SCN10A: variants seen among roughly 807,000 people sequenced by gnomAD.
SCN10A encodes the protein sodium voltage-gated channel alpha subunit 10.
Under a neutral mutation model 170.7 loss-of-function variants are expected in SCN10A, and 162 were observed. The ratio of observed to expected loss-of-function variants is 0.95; its 90% CI spans 0.84 to 1.08. SCN10A has a LOEUF of 1.08. Among genes scored for constraint, SCN10A ranks in the 50% least tolerant of loss-of-function variants. The pLI, the probability that SCN10A is intolerant of heterozygous loss-of-function variation, is 0.00. For missense variants in SCN10A, 2,527 were observed against 2,436.9 expected (o/e 1.04, Z -0.78); for synonymous variants, 985 against 904.6 (o/e 1.09, Z -1.59).
chr3:38,705,945 T>C (rs1185192845), intron 26 of SCN10A, among the ~76,000 whole-genome samples: 1 of 152,146 alleles, frequency 6.6e-6, no homozygotes, highest in Non-Finnish European at 1.5e-5. Context: ...AGCCTGCTCC[T>C]CTCCACTGAA....
At chr3:38,761,078 AG>A (rs2063864380) in intron 7 of SCN10A, 113 bp downstream of exon 7, 1 of 842,810 alleles carries the variant, frequency 1.2e-6, no homozygotes, top group East Asian at 2.5e-5. Context: ...TTGGCAGGAA[AG>A]GGGAGTCAAA....
intron 1 of SCN10A, among the ~76,000 whole-genome samples, chr3:38,808,846 G>T (rs1307281752): frequency 6.6e-6 from 1 of 152,206 alleles, no homozygotes; most frequent in Admixed American, 6.5e-5. Context: ...TATTAAGAAG[G>T]AGTCATTGGA....
chr3:38,765,277 G>A (rs1017638259), intron 5 of SCN10A, among the ~76,000 whole-genome samples: 3 of 151,998 alleles, frequency 2.0e-5, no homozygotes, highest in South Asian at 2.1e-4. Context: ...GGTCAGGAAC[G>A]TTTTGCCTAA....
At chr3:38,720,701 T>G (rs1490487236) in intron 20 of SCN10A, among the ~76,000 whole-genome samples, 2 of 146,982 alleles carry the variant, frequency 1.4e-5, no homozygotes, top group African/African-American at 2.5e-5. Flanking sequence ...ATGTGGGGGG[T>G]GGACCGGGGT....
At chr3:38,794,174 C>T in intron 1 of SCN10A, 132 bp from the exon 2 acceptor site, 1 of 643,330 alleles carries the variant, frequency 1.6e-6, no homozygotes, top group Non-Finnish European at 2.7e-6. Flanking sequence ...TGAACTCACA[C>T]TTGGCTCCTC....
intron 13 of SCN10A, among the ~76,000 whole-genome samples, chr3:38,744,787 G>A (rs1335588320): frequency 6.6e-6 from 1 of 152,024 alleles, no homozygotes; most frequent in African/African-American, 2.4e-5. Context: ...ATTTTCCCAA[G>A]ATTTGAAATG....
intron 13 of SCN10A, among the ~76,000 whole-genome samples, chr3:38,744,999 C>T (rs930948875): frequency 6.6e-6 from 1 of 152,134 alleles, no homozygotes. Flanking sequence ...ATCAACAATC[C>T]CTGTTTGGAA....
intron 15 of SCN10A, among the ~76,000 whole-genome samples, chr3:38,736,360 T>A (rs13087440): frequency 0.028 from 3,750 of 133,184 alleles, 59 homozygotes; most frequent in Non-Finnish European, 0.034. Flanking sequence ...ATAGGGAAAC[T>A]CTGTGTGTGT....
intron 10 of SCN10A, among the ~76,000 whole-genome samples, 173 bp from the exon 11 acceptor site, chr3:38,756,131 C>A (rs2063802010): frequency 6.6e-6 from 1 of 152,092 alleles, no homozygotes. Flanking sequence ...CTCGGGTCAC[C>A]CCCACTCATT....
intron 15 of SCN10A, among the ~76,000 whole-genome samples, chr3:38,736,165 A>AAG: frequency 6.6e-6 from 1 of 152,212 alleles, no homozygotes; most frequent in Non-Finnish European, 1.5e-5. Context: ...GTTATGTGTG[A>AAG]AGAAGAGAGA....
rs937080044 is a variant in SCN10A at position 38,778,321 on chromosome 3, G to A, written c.471-6914C>T. On this transcript the variant is annotated intron_variant, in intron 4 of 27. Coordinates refer to ENST00000449082, the MANE Select transcript of SCN10A (RefSeq NM_006514.4). The stretch of plus-strand genomic sequence containing the variant: ...AGGGTCATCAAAGAGCCCCTTCAAT[G>A]ATTCTCTGAAACCAGGGCATGGGGA... Among the ~76,000 whole-genome samples, 5 of 152,018 alleles carry A rather than the reference G, an allele frequency of 3.3e-5. No homozygotes were observed. The Middle Eastern group carries it at 0.01, about 310-fold the overall frequency.
At chr3:38,740,801 C>T (rs1390682918) in intron 14 of SCN10A, among the ~76,000 whole-genome samples, 1 of 152,170 alleles carries the variant, frequency 6.6e-6, no homozygotes, top group African/African-American at 2.4e-5. Flanking sequence ...AAAAAAGTGG[C>T]ACTTTCCTCT....
chr3:38,769,529 C>G (rs1295276330), intron 5 of SCN10A, among the ~76,000 whole-genome samples: 1 of 152,182 alleles, frequency 6.6e-6, no homozygotes, highest in Non-Finnish European at 1.5e-5. Flanking sequence ...GCGTGAGCTA[C>G]TGTGCCCAGC....
chr3:38,699,161 A>T (rs1159487364), intron 27 of SCN10A, among the ~76,000 whole-genome samples: 1 of 146,418 alleles, frequency 6.8e-6, no homozygotes, highest in Admixed American at 6.8e-5. Flanking sequence ...AGCATAAGGG[A>T]TTTGAATGAC....
In SCN10A at chr3:38,737,823, TC is replaced by T. The variant is rs1188283570; in HGVS notation, c.2280+1691del. On this transcript the variant is annotated intron_variant, in intron 15 of 27. Coordinates refer to ENST00000449082, the MANE Select transcript of SCN10A (RefSeq NM_006514.4). ...CTCTTTCTTTCTTTCTTTCTTTCTT[TC>T]TTTCTTTCTCTTTCTTCTTTCTTTC... Among the ~76,000 whole-genome samples the T allele has an allele frequency of 6.0e-3, 795 of 131,712 alleles. 13 individuals carry two copies. Among genetic ancestry groups the T allele is most frequent in the African/African-American group, 0.022 (683 of 30,600 alleles). The allele number at this position is 131,712 out of a possible 152,430, so 86.4% of individuals were successfully genotyped here.
At chr3:38,733,711 AATTTATTTATTT>A (rs1230206252) in intron 15 of SCN10A, among the ~76,000 whole-genome samples, 2 of 151,698 alleles carry the variant, frequency 1.3e-5, no homozygotes, top group African/African-American at 2.4e-5. Context: ...TTAAATTTAA[AATTTATTTATTT>A]ATTTATTTAT....
At chr3:38,729,169 G>T (rs1454529816) in intron 15 of SCN10A, among the ~76,000 whole-genome samples, 1 of 152,112 alleles carries the variant, frequency 6.6e-6, no homozygotes, top group Non-Finnish European at 1.5e-5. Flanking sequence ...GTGGCCTTGC[G>T]ATCTGTACTC....
chr3:38,792,019 C>T (rs1208402741), intron 3 of SCN10A, 31 bp downstream of exon 3: 6 of 1,611,008 alleles, frequency 3.7e-6, no homozygotes, highest in African/African-American at 1.3e-5. Flanking sequence ...CTAATTGTAA[C>T]ACGTGGAAGA....
rs2063279611 is a variant in SCN10A, at chr3:38,712,037, A to T, written c.4089+124T>A. On this transcript the variant is annotated intron_variant, in intron 23 of 27. Transcript: ENST00000449082. ...GTGTAGTCTGTAGGAATAGAGAATG[A>T]CCTCAGTTCACACTGAGTGCTACTC... 1.1e-5 allele frequency: 10 copies of T among 870,472 alleles called. No individual in the cohort carries two copies. The South Asian group carries it at 1.7e-4, about 14-fold the overall frequency. 53.9% of individuals were successfully genotyped at this position (870,472 alleles called of 1,614,324 possible).
Sources: allele counts gnomAD v4.1 joint callset (sites outside exome capture counted in the v4.1 genomes callset), GRCh38; gene constraint gnomAD v4.1.1; transcripts MANE v1.5; gene names NCBI Gene and HGNC (gene_info 2026-07-23, HGNC 2026-07-21).